Variants in AP2B1 observed in about 807,000 individuals in gnomAD.
AP2B1 encodes the protein adaptor related protein complex 2 subunit beta 1.
Under a neutral mutation model 102.0 loss-of-function variants are expected in AP2B1, and 23 were observed. The observed-to-expected ratio is 0.23, with a 90% CI of 0.16 to 0.32. The LOEUF (loss-of-function observed/expected upper bound fraction) is 0.32, where lower values mean the gene tolerates loss of function less well. AP2B1 is among the 10% of genes least tolerant of loss of function. AP2B1 has a pLI of 1.00. For missense variants in AP2B1, 541 were observed against 1,157.4 expected (o/e 0.47, Z 7.73); for synonymous variants, 381 against 421.2 (o/e 0.90, Z 1.17).
At position 35,587,329 on chromosome 17, in the gene AP2B1, G is replaced by A. The variant is rs2072924643; in HGVS notation, c.-123G>A. ...GGTTTTGCGCAGTGGCTTAGACCTA[G>A]AAAAGAATCGTGACGGGCAGGAAAC... is the stretch of plus-strand genomic sequence containing the variant. On this transcript the variant is annotated 5_prime_UTR_variant, in exon 1 of 22. Transcript: ENST00000610402. 1 of 152,272 alleles carries A rather than the reference G, an allele frequency of 6.6e-6. No individual in the cohort carries two copies. The highest frequency in any genetic ancestry group is 2.4e-5 in the African/African-American group (1 of 41,466). 9.4% of individuals were successfully genotyped at this position (152,272 alleles called of 1,614,324 possible).
intron 15 of AP2B1, 43 bp downstream of exon 15, chr17:35,670,941 C>T (rs1251237432): frequency 2.5e-6 from 4 of 1,599,296 alleles, no homozygotes; most frequent in Non-Finnish European, 2.6e-6. Flanking sequence ...GCACTGCCCC[C>T]TGTTTGATGC....
At chr17:35,667,198 C>T (rs2075487056) in intron 14 of AP2B1, among the ~76,000 whole-genome samples, 1 of 152,190 alleles carries the variant, frequency 6.6e-6, no homozygotes, top group South Asian at 2.1e-4. Flanking sequence ...CATGCTGTCA[C>T]CTTGCCATGG....
At chr17:35,657,882 C>T (rs2075268773) in intron 14 of AP2B1, 91 bp downstream of exon 14, 2 of 1,215,918 alleles carry the variant, frequency 1.6e-6, no homozygotes, top group South Asian at 1.5e-5. Context: ...AGAACTAGAC[C>T]TTTCCTTGAT....
intron 7 of AP2B1, 104 bp from the exon 8 acceptor site, chr17:35,627,281 G>T: frequency 1.5e-6 from 1 of 661,532 alleles, no homozygotes; most frequent in Non-Finnish European, 2.3e-6. Context: ...CCTGAGTGGA[G>T]CGAGAGGAGA....
chr17:35,618,978 T>G (rs1293844226), intron 5 of AP2B1, among the ~76,000 whole-genome samples: 1 of 152,220 alleles, frequency 6.6e-6, no homozygotes, highest in African/African-American at 2.4e-5. Context: ...AAATAATGTT[T>G]GGATTATATT....
At chr17:35,604,389 G>A (rs1421598069) in intron 3 of AP2B1, among the ~76,000 whole-genome samples, 2 of 151,992 alleles carry the variant, frequency 1.3e-5, no homozygotes, top group Non-Finnish European at 2.9e-5. Context: ...GATTACAGAC[G>A]TGAGCCACTG....
intron 11 of AP2B1, 141 bp from the exon 12 acceptor site, chr17:35,641,736 G>GAGTTTC: frequency 3.8e-6 from 2 of 520,554 alleles, no homozygotes; most frequent in Non-Finnish European, 6.8e-6. Context: ...GATATTGATT[G>GAGTTTC]AGTTTCAGCC....
At chr17:35,595,670 A>G (rs2073246122) in intron 2 of AP2B1, among the ~76,000 whole-genome samples, 1 of 152,194 alleles carries the variant, frequency 6.6e-6, no homozygotes, top group South Asian at 2.1e-4. Flanking sequence ...GGGAGAAAAT[A>G]TAGGAATTTA....
chr17:35,598,485 C>G (rs1706642503), intron 3 of AP2B1, 150 bp downstream of exon 3: 3 of 503,692 alleles, frequency 6.0e-6, no homozygotes, highest in Non-Finnish European at 1.1e-5. Flanking sequence ...GTGCAGTTGC[C>G]TTTGTATTAA....
At chr17:35,658,783 G>A (rs2075293443) in intron 14 of AP2B1, among the ~76,000 whole-genome samples, 2 of 152,266 alleles carry the variant, frequency 1.3e-5, no homozygotes, top group Admixed American at 1.3e-4. Flanking sequence ...GCATATACTG[G>A]CATCTTCTCT....
chr17:35,667,835 G>C (rs946667632), intron 14 of AP2B1, among the ~76,000 whole-genome samples: 3 of 152,142 alleles, frequency 2.0e-5, no homozygotes, highest in African/African-American at 7.2e-5. Context: ...CGGTGAGAGG[G>C]GGTAAGCCCA....
chr17:35,652,033 G>A (rs1904291157), intron 13 of AP2B1, among the ~76,000 whole-genome samples: 1 of 152,172 alleles, frequency 6.6e-6, no homozygotes. Flanking sequence ...ACATGGAAGT[G>A]GGGAAATGAA....
intron 18 of AP2B1, among the ~76,000 whole-genome samples, chr17:35,696,978 G>A (rs1382466944): frequency 6.6e-6 from 1 of 152,142 alleles, no homozygotes; most frequent in African/African-American, 2.4e-5. Flanking sequence ...ATTTAGGAAA[G>A]TATTAACCAG....
intron 4 of AP2B1, chr17:35,607,866 G>A (rs537819406): frequency 2.9e-5 from 9 of 311,660 alleles, no homozygotes; most frequent in East Asian, 6.9e-5. Context: ...GGGATGGTAC[G>A]AACTCCCTAA....
intron 18 of AP2B1, among the ~76,000 whole-genome samples, chr17:35,691,087 CT>C (rs148650718): frequency 0.037 from 5,530 of 149,788 alleles, 144 homozygotes; most frequent in Non-Finnish European, 0.049. Flanking sequence ...CACAATGTCT[CT>C]TTTTTTTTTC....
rs74547708 is a variant in AP2B1, at chr17:35,603,822, C to T, written c.144-1883C>T. On this transcript the variant is annotated intron_variant, in intron 3 of 21. Transcript: ENST00000610402. ...AGAATTATTGTTCCTTTTGCCCTGTCGCACTCCTGAAAGCAAGATGATTCA... is the reference window on the plus strand; with the variant it reads ...AGAATTATTGTTCCTTTTGCCCTGTTGCACTCCTGAAAGCAAGATGATTCA... 3.3e-5 allele frequency among the ~76,000 whole-genome samples: 5 copies of T among 152,284 alleles called. No homozygotes were observed. In the East Asian group the frequency reaches 7.7e-4, roughly 24 times the overall value.
At chr17:35,717,372 T>G in intron 21 of AP2B1, 23 bp downstream of exon 21, 1 of 1,613,548 alleles carries the variant, frequency 6.2e-7, no homozygotes, top group Middle Eastern at 1.7e-4. Context: ...TCAGAATGGG[T>G]GAGATGGATT....
intron 12 of AP2B1, among the ~76,000 whole-genome samples, chr17:35,650,147 G>A (rs1406429757): frequency 6.6e-6 from 1 of 152,074 alleles, no homozygotes; most frequent in South Asian, 2.1e-4. Flanking sequence ...GTGGGGTTTC[G>A]CTATGTTGGC....
At chr17:35,642,057 A>G (rs2074797491) in intron 12 of AP2B1, 82 bp downstream of exon 12, 1 of 1,026,476 alleles carries the variant, frequency 9.7e-7, no homozygotes, top group African/African-American at 1.6e-5. Context: ...TAGGGGATTC[A>G]TTTGGGGAAG....
Sources: gnomAD v4.1 joint callset for allele counts (sites outside exome capture counted in the v4.1 genomes callset) on GRCh38, gnomAD v4.1.1 for gene constraint, MANE v1.5 for transcripts, NCBI Gene and HGNC (gene_info 2026-07-23, HGNC 2026-07-21) for gene names.